SAGE1: variants seen among roughly 807,000 people sequenced by gnomAD.
SAGE1 encodes the protein cancer/testis antigen 14.
A neutral mutation model predicts 55.4 loss-of-function variants in SAGE1; 55 were observed. That is an observed-to-expected ratio of 0.99 (90% CI 0.80 to 1.24). SAGE1 has a LOEUF of 1.24. Among genes scored for constraint, SAGE1 ranks in the 50% most tolerant of loss-of-function variants. The pLI is 0.00. For missense variants in SAGE1, 710 were observed against 704.4 expected (o/e 1.01, Z -0.09); for synonymous variants, 240 against 244.3 (o/e 0.98, Z 0.17).
Position 135,910,110 on chromosome X carries a change from C to G in SAGE1, c.1804C>G (p.Pro602Ala), listed in dbSNP as rs781878452. The G allele has an allele frequency of 5.8e-6, 7 of 1,206,337 alleles. No individual in the cohort carries two copies. The South Asian group carries it at 8.8e-5, about 15-fold the overall frequency. ...ATCCGATAATGTCTTCTCGACTGTT[C>G]CACCAGCATTTATTAATATGGCAGC... ...AASDNVFSTV[P>A]PAFINMAATG... is the part of the protein sequence containing the mutation. The change falls in exon 15 of 20, where the codon CCA becomes GCA. Residue 602 changes from proline to alanine, a missense_variant. Physicochemically the swap from Pro to Ala is conservative, Grantham distance 27. Coordinates refer to ENST00000370709, the MANE Select transcript of SAGE1 (RefSeq NM_001381902.1).
chrX:135,910,268 G>T, intron 15 of SAGE1, 98 bp downstream of exon 15: 1 of 1,047,791 alleles, frequency 9.5e-7, no homozygotes. Flanking sequence ...ACCTTTTCAG[G>T]CCTCAATTTT....
rs782717769 is a variant in SAGE1, at chrX:135,912,813, CT to C, written c.2633del (p.Leu878Ter). ...TTAATTTCAGGTTTAAAAAAGTTGT[CT>C]TAATTCAGCAACTCGAGAAGGCGCT... ...KEAARFKKVV[L>X]IQQLEKALKE... On this transcript the variant is annotated frameshift_variant, in exon 20 of 20. Coordinates refer to ENST00000370709, the MANE Select transcript of SAGE1 (RefSeq NM_001381902.1). LOFTEE classifies it low-confidence loss of function (END_TRUNC). 2 of 1,209,505 alleles carry C rather than the reference CT, an allele frequency of 1.7e-6. No individual in the cohort carries two copies. Among genetic ancestry groups the C allele is most frequent in the South Asian group, 3.5e-5 (2 of 56,675 alleles).
chrX:135,907,835 G>A lies in SAGE1; in HGVS notation c.1153G>A (p.Asp385Asn). ...TADMPAMSTRDQHATIIHNLR... is the reference protein window; with the variant it reads ...TADMPAMSTRNQHATIIHNLR... ...TGATATGCCAGCCATGAGTACCAGG[G>A]ATCAGCGTAAGTTTGTTTACTAGTT... The change falls in exon 10 of 20, where the codon GAT becomes AAT. Residue 385 changes from aspartate (D) to asparagine (N), a missense_variant. By Grantham distance (23) the Asp-to-Asn change is conservative. Transcript: ENST00000370709. The A allele has an allele frequency of 1.7e-6, 2 of 1,210,062 alleles. No individual in the cohort carries two copies. Among genetic ancestry groups the A allele is most frequent in the Non-Finnish European group, 2.2e-6 (2 of 894,278 alleles).
intron 1 of SAGE1, among the ~76,000 whole-genome samples, chrX:135,894,353 T>C (rs2088550725): frequency 1.8e-5 from 2 of 113,184 alleles, no homozygotes; most frequent in South Asian, 7.1e-4. Flanking sequence ...ATTACAGGCG[T>C]GAGCCACTGC....
At chrX:135,899,718 T>A (rs1325321627) in intron 2 of SAGE1, among the ~76,000 whole-genome samples, 1 of 110,991 alleles carries the variant, frequency 9.0e-6, no homozygotes, top group African/African-American at 3.3e-5. Context: ...CTTCCCTTGT[T>A]AGCCATATTC....
Position 135,909,672 on chromosome X carries a change from G to C in SAGE1, c.1616G>C (p.Arg539Thr). 4 of 1,197,581 alleles carry C rather than the reference G, an allele frequency of 3.3e-6. No homozygotes were observed. Among genetic ancestry groups the C allele is most frequent in the Non-Finnish European group, 4.5e-6 (4 of 887,999 alleles). ...ATVTQNVHEE[R>T]MENNQPQPSY... ...GTCACTCAAAATGTCCATGAAGAGA[G>C]GATGGAAAATAACCAACCACAACCT... The change falls in exon 14 of 20, where the codon AGG (arginine) becomes ACG (threonine). Residue 539 changes from arginine to threonine, a missense_variant. Coordinates refer to ENST00000370709, the MANE Select transcript of SAGE1 (RefSeq NM_001381902.1).
At position 135,910,482 on chromosome X, in the gene SAGE1, C is replaced by T; in HGVS notation, c.1932C>T (p.Ile644=). The T allele has an allele frequency of 8.3e-7, 1 of 1,209,452 alleles. No homozygotes were observed. Among genetic ancestry groups the T allele is most frequent in the South Asian group, 1.8e-5 (1 of 56,926 alleles). ...INNSQPAPGN[I]LSTAPPWLRH... ...ACAGCCAACCAGCACCTGGTAACATCTTGTCAACTGCTCCTCCATGGCTTC... is the reference window on the plus strand; with the variant it reads ...ACAGCCAACCAGCACCTGGTAACATTTTGTCAACTGCTCCTCCATGGCTTC... The change falls in exon 16 of 20, where the codon ATC becomes ATT. Residue 644 remains isoleucine (I), a synonymous_variant. Coordinates refer to ENST00000370709, the MANE Select transcript of SAGE1 (RefSeq NM_001381902.1).
chrX:135,895,048 A>G (rs2088563493), intron 1 of SAGE1, among the ~76,000 whole-genome samples: 1 of 111,438 alleles, frequency 9.0e-6, no homozygotes, highest in African/African-American at 3.3e-5. Context: ...ACCAGCACAT[A>G]CACTATCCTC....
At position 135,907,414 on chromosome X, in the gene SAGE1, A is replaced by C. The variant is rs782610585; in HGVS notation, c.979A>C (p.Thr327Pro). 4.1e-6 allele frequency: 5 copies of C among 1,208,696 alleles called. No individual in the cohort carries two copies. Among genetic ancestry groups the C allele is most frequent in the Non-Finnish European group, 5.6e-6 (5 of 892,986 alleles). The change falls in exon 9 of 20, where the codon ACA becomes CCA. Residue 327 changes from threonine (T) to proline (P), a missense_variant. By Grantham distance (38) the Thr-to-Pro change is conservative. Transcript: ENST00000370709. Reference protein sequence around the residue: ...STVQPVIIYLTATGIPGMNTR... With the variant: ...STVQPVIIYLPATGIPGMNTR... ...TGTTCAACCAGTGATTATTTATTTG[A>C]CAGCAACTGGTATTCCGGGCATGAA...
chrX:135,909,993 C>T, intron 14 of SAGE1, 37 bp from the exon 15 acceptor site: 2 of 1,189,954 alleles, frequency 1.7e-6, no homozygotes, highest in Non-Finnish European at 2.3e-6. Context: ...ACATAATGCA[C>T]TTAACTCAAA....
chrX:135,909,982 G>T (rs550245441), intron 14 of SAGE1, 48 bp from the exon 15 acceptor site: 2 of 1,163,012 alleles, frequency 1.7e-6, no homozygotes, highest in South Asian at 3.8e-5. Flanking sequence ...CTGTGGGGTT[G>T]ACATAATGCA....
At chrX:135,896,523 A>ATTTATTTTATTTTATTTTATTTTAT (rs782590619) in intron 2 of SAGE1, among the ~76,000 whole-genome samples, 194 bp downstream of exon 2, 1 of 103,852 alleles carries the variant, frequency 9.6e-6, no homozygotes, top group Admixed American at 1.0e-4. Flanking sequence ...CTAGGAACTG[A>ATTTATTTTATTTTATTTTATTTTAT]TTTATTTTAT....
At chrX:135,907,546 T>C in intron 9 of SAGE1, 93 bp downstream of exon 9, 5 of 1,004,102 alleles carry the variant, frequency 5.0e-6, no homozygotes, top group Non-Finnish European at 6.9e-6. Flanking sequence ...TGGATTCTCT[T>C]TCATGAGCTC....
chrX:135,904,379 T>A (rs1194357469), intron 3 of SAGE1, 98 bp from the exon 4 acceptor site: 19 of 533,318 alleles, frequency 3.6e-5, no homozygotes, highest in Middle Eastern at 3.5e-4. Context: ...TTCTTCTTTA[T>A]GAGATAATTT....
rs782537425 is a variant in SAGE1, at chrX:135,910,533, A to G, written c.1983A>G (p.Ser661=). 3 of 1,210,811 alleles carry G rather than the reference A, an allele frequency of 2.5e-6. No individual in the cohort carries two copies. Among genetic ancestry groups the G allele is most frequent in the Non-Finnish European group, 3.4e-6 (3 of 894,714 alleles). Residue 661 remains serine (S), a synonymous_variant, in exon 16 of 20, where the codon TCA becomes TCG. Transcript: ENST00000370709. ...WLRHMAAAGI[S]STITRDLYVT... is the part of the protein sequence containing the mutation. ...GTCATATGGCAGCAGCTGGAATTTCATCCACGATTACCAGGGATCTGTGTA... is the reference window on the plus strand; with the variant it reads ...GTCATATGGCAGCAGCTGGAATTTCGTCCACGATTACCAGGGATCTGTGTA...
rs150239273 is a variant in SAGE1, at chrX:135,906,971, G to A, written c.782G>A (p.Gly261Asp). 6.6e-6 allele frequency: 8 copies of A among 1,207,010 alleles called. No homozygotes were observed. The African/African-American group carries it at 1.4e-4, about 21-fold the overall frequency. Reference sequence around the variant, plus strand: ...GTCCCTGAGGAGAAGATGGAAAAGGGCCAACCCCAACCTGATAACATCTTG... The same window carrying A: ...GTCCCTGAGGAGAAGATGGAAAAGGACCAACCCCAACCTGATAACATCTTG... ...YNVPEEKMEKGQPQPDNILST... is the reference protein window; with the variant it reads ...YNVPEEKMEKDQPQPDNILST... The change falls in exon 8 of 20, where the codon GGC (glycine) becomes GAC (aspartate). Residue 261 changes from glycine (G) to aspartate (D), a missense_variant. Transcript: ENST00000370709.
chrX:135,906,888 A>G, intron 7 of SAGE1, 38 bp from the exon 8 acceptor site: 1 of 1,192,053 alleles, frequency 8.4e-7, no homozygotes, highest in Non-Finnish European at 1.1e-6. Context: ...ACCATAATAC[A>G]CTTACCTAAC....
At position 135,910,535 on chromosome X, in the gene SAGE1, C is replaced by G. The variant is rs147236070; in HGVS notation, c.1985C>G (p.Ser662Cys). Reference sequence around the variant, plus strand: ...CATATGGCAGCAGCTGGAATTTCATCCACGATTACCAGGGATCTGTGTATG... The same window carrying G: ...CATATGGCAGCAGCTGGAATTTCATGCACGATTACCAGGGATCTGTGTATG... ...LRHMAAAGIS[S>C]TITRDLYVTA... The change falls in exon 16 of 20, where the codon TCC (serine) becomes TGC (cysteine). Residue 662 changes from serine to cysteine, a missense_variant. Ser to Cys is a moderately radical substitution (Grantham distance 112). Transcript: ENST00000370709. 4 of 1,210,489 alleles carry G rather than the reference C, an allele frequency of 3.3e-6. No individual in the cohort carries two copies. The highest frequency in any genetic ancestry group is 4.5e-6 in the Non-Finnish European group (4 of 894,396).
chrX:135,905,265 T>G lies in SAGE1; in HGVS notation c.327T>G (p.Ala109=). ...TAPPWPDATI[A]HNIREERMEN... The stretch of plus-strand genomic sequence containing the variant: ...ATCGGTTTCCAGATGCTACCATCGC[T>G]CACAATATCCGTGAAGAGAGGATGG... The change falls in exon 5 of 20, where the codon GCT becomes GCG. Residue 109 remains alanine, a synonymous_variant. Coordinates refer to ENST00000370709, the MANE Select transcript of SAGE1 (RefSeq NM_001381902.1). The G allele has an allele frequency of 8.3e-7, 1 of 1,208,770 alleles. No individual in the cohort carries two copies. The highest frequency in any genetic ancestry group is 1.1e-6 in the Non-Finnish European group (1 of 893,437).
Sources: gnomAD v4.1 joint callset for allele counts (sites outside exome capture counted in the v4.1 genomes callset) on GRCh38, gnomAD v4.1.1 for gene constraint, MANE v1.5 for transcripts, NCBI Gene and HGNC (gene_info 2026-07-23, HGNC 2026-07-21) for gene names.